The following CHCHD3 variants were observed in gnomAD, a reference collection of about 807,000 sequenced individuals.
CHCHD3 encodes the protein MICOS complex subunit MIC19.
CHCHD3 carries 20 observed loss-of-function variants against 38.2 expected under a neutral mutation model. That is an observed-to-expected ratio of 0.52 (90% CI 0.37 to 0.76). The LOEUF (loss-of-function observed/expected upper bound fraction) is 0.76. CHCHD3 is among the 30% of genes least tolerant of loss of function. The pLI is 0.00. For missense variants in CHCHD3, 245 were observed against 279.2 expected, an observed-to-expected ratio of 0.88 and a Z score of 0.87; for synonymous variants, 82 against 100.0, an observed-to-expected ratio of 0.82 and a Z score of 1.07.
chr7:133,076,134 C>T (rs552046508), intron 1 of CHCHD3, among the ~76,000 whole-genome samples: 53 of 149,040 alleles, frequency 3.6e-4, no homozygotes, highest in African/African-American at 1.3e-3. Flanking sequence ...CTTGTTTAAG[C>T]AAAGCCTTTT....
At chr7:133,025,855 C>T (rs1813322261) in intron 2 of CHCHD3, among the ~76,000 whole-genome samples, 1 of 152,224 alleles carries the variant, frequency 6.6e-6, no homozygotes, top group Non-Finnish European at 1.5e-5. Context: ...GAAAACTAGA[C>T]AGCAGTGTCT....
chr7:132,845,832 T>C (rs1037826079), intron 5 of CHCHD3, among the ~76,000 whole-genome samples: 2 of 152,196 alleles, frequency 1.3e-5, no homozygotes, highest in African/African-American at 4.8e-5. Flanking sequence ...TTTTCTTTTC[T>C]CAAAGCGGCA....
intron 6 of CHCHD3, among the ~76,000 whole-genome samples, chr7:132,799,643 A>G (rs776924036): frequency 1.4e-4 from 22 of 152,210 alleles, no homozygotes; most frequent in Non-Finnish European, 2.8e-4. Context: ...CTAATAAAGA[A>G]GTGGGAAGAT....
At chr7:132,883,549 T>C (rs942776756) in intron 5 of CHCHD3, among the ~76,000 whole-genome samples, 7 of 152,100 alleles carry the variant, frequency 4.6e-5, no homozygotes, top group Non-Finnish European at 8.8e-5. Flanking sequence ...TTTTAAGTGG[T>C]TGGAAAAAAA....
intron 6 of CHCHD3, among the ~76,000 whole-genome samples, chr7:132,805,252 A>G (rs898920573): frequency 6.6e-6 from 1 of 152,136 alleles, no homozygotes; most frequent in Non-Finnish European, 1.5e-5. Context: ...AGTGTCAAGG[A>G]AACAGTACAG....
intron 6 of CHCHD3, among the ~76,000 whole-genome samples, chr7:132,811,809 G>T (rs910742780): frequency 6.6e-6 from 1 of 152,102 alleles, no homozygotes; most frequent in South Asian, 2.1e-4. Context: ...CAATGTTGGA[G>T]TTCCTTGGAG....
chr7:132,956,314 A>AT (rs904751763), intron 4 of CHCHD3, among the ~76,000 whole-genome samples: 21 of 152,214 alleles, frequency 1.4e-4, no homozygotes, highest in African/African-American at 4.8e-4. Context: ...TAAGGCAAAG[A>AT]TTTTTTATAC....
intron 5 of CHCHD3, among the ~76,000 whole-genome samples, chr7:132,854,535 T>C (rs765369981): frequency 3.2e-4 from 48 of 152,178 alleles, no homozygotes; most frequent in Admixed American, 5.2e-4. Flanking sequence ...TACAAACCTA[T>C]GCAACCACAA....
At chr7:132,935,493 T>G (rs997775347) in intron 4 of CHCHD3, among the ~76,000 whole-genome samples, 2 of 152,232 alleles carry the variant, frequency 1.3e-5, no homozygotes, top group Admixed American at 1.3e-4. Context: ...TGGGTCAGGA[T>G]GTAAAATATA....
intron 3 of CHCHD3, among the ~76,000 whole-genome samples, chr7:133,008,438 GA>G (rs551540851): frequency 1.4e-3 from 186 of 136,978 alleles, no homozygotes; most frequent in Non-Finnish European, 2.5e-3. Context: ...AAAAAAAAAA[GA>G]AAAAAAAAGC....
At chr7:132,853,188 G>A (rs944031703) in intron 5 of CHCHD3, among the ~76,000 whole-genome samples, 2 of 152,160 alleles carry the variant, frequency 1.3e-5, no homozygotes, top group African/African-American at 4.8e-5. Flanking sequence ...CCGACTGACC[G>A]CTGCAGAGTG....
chr7:132,849,456 A>C (rs1199688241), intron 5 of CHCHD3: 1 of 152,170 alleles, frequency 6.6e-6, no homozygotes, highest in East Asian at 1.9e-4. Flanking sequence ...TCTCAGCCCT[A>C]TTTCTTTTTC....
intron 6 of CHCHD3, among the ~76,000 whole-genome samples, chr7:132,801,537 T>A (rs963070210): frequency 6.6e-6 from 1 of 152,196 alleles, no homozygotes; most frequent in Non-Finnish European, 1.5e-5. Context: ...AACTAATATG[T>A]TTTCTACCAT....
At chr7:132,919,788 G>A (rs978873228) in intron 4 of CHCHD3, among the ~76,000 whole-genome samples, 3 of 152,146 alleles carry the variant, frequency 2.0e-5, no homozygotes, top group Admixed American at 6.5e-5. Context: ...GACCCAAACC[G>A]TTAACTCCAA....
intron 4 of CHCHD3, among the ~76,000 whole-genome samples, chr7:132,904,154 AG>A (rs1809737006): frequency 6.6e-6 from 1 of 152,034 alleles, no homozygotes; most frequent in East Asian, 1.9e-4. Flanking sequence ...CCAGTGACTC[AG>A]GAGGCTGAGG....
Position 132,788,887 on chromosome 7 carries a change from G to C in CHCHD3, c.661-3227C>G, listed in dbSNP as rs1039129843. On this transcript the variant is annotated intron_variant, in intron 7 of 7. Transcript: ENST00000262570. This position sits in a 1 kb window ranked among gnomAD's most constrained non-coding sequence, Gnocchi z 4.0. The stretch of plus-strand genomic sequence containing the variant: ...AAACTGCACTCACTTGCTACCAAAG[G>C]GTGGCAGGGGTGGTACAAAACCATC... Among the ~76,000 whole-genome samples the C allele has an allele frequency of 6.6e-6, 1 of 152,148 alleles. No individual in the cohort carries two copies. Among genetic ancestry groups the C allele is most frequent in the African/African-American group, 2.4e-5 (1 of 41,432 alleles).
chr7:132,902,186 A>G lies in CHCHD3; in HGVS notation c.370-16441T>C, dbSNP rs527544571. Among the ~76,000 whole-genome samples the G allele has an allele frequency of 4.5e-3, 678 of 152,260 alleles. 8 individuals carry two copies. Among genetic ancestry groups the G allele is most frequent in the African/African-American group, 0.01 (417 of 41,562 alleles). On this transcript the variant is annotated intron_variant, in intron 4 of 7. Coordinates refer to ENST00000262570, the MANE Select transcript of CHCHD3 (RefSeq NM_017812.4). Reference sequence around the variant, plus strand: ...GGAAACAACAGGTGCTGGAGAGGATAGGGAGAAATAGGAACACTTTTACAC... The same window carrying G: ...GGAAACAACAGGTGCTGGAGAGGATGGGGAGAAATAGGAACACTTTTACAC...
chr7:132,883,565 G>A (rs1585602387), intron 5 of CHCHD3, among the ~76,000 whole-genome samples: 1 of 152,100 alleles, frequency 6.6e-6, no homozygotes, highest in Non-Finnish European at 1.5e-5. Context: ...AAAAATTTAA[G>A]CAAAATTTTG....
At position 132,985,613 on chromosome 7, in the gene CHCHD3, C is replaced by T. The variant is rs565437801; in HGVS notation, c.252-10327G>A. 7.6e-3 allele frequency among the ~76,000 whole-genome samples: 624 copies of T among 82,100 alleles called. 52 individuals carry two copies. Among genetic ancestry groups the T allele is most frequent in the African/African-American group, 0.028 (588 of 20,718 alleles). The allele number at this position is 82,100 out of a possible 152,430, so 53.9% of individuals were successfully genotyped here. On this transcript the variant is annotated intron_variant, in intron 3 of 7. Transcript: ENST00000262570. ...CCGGGAGGTGAGGGGCGCCTCTGCCCGGCCGCCCCTACTGGGAAGAGAGGA... is the reference window on the plus strand; with the variant it reads ...CCGGGAGGTGAGGGGCGCCTCTGCCTGGCCGCCCCTACTGGGAAGAGAGGA...
Sources: allele counts gnomAD v4.1 joint callset (sites outside exome capture counted in the v4.1 genomes callset), GRCh38; gene constraint gnomAD v4.1.1; non-coding constraint Gnocchi (gnomAD v3.1); transcripts MANE v1.5; gene names NCBI Gene and HGNC (gene_info 2026-07-23, HGNC 2026-07-21).